The following DIAPH3 variants were observed in gnomAD, a reference collection of about 807,000 sequenced individuals.
DIAPH3 encodes protein diaphanous homolog 3.
In DIAPH3, 117 loss-of-function variants were observed where a neutral mutation model predicts 144.3. That is an observed-to-expected ratio of 0.81 (90% confidence interval 0.70 to 0.95). DIAPH3 has a LOEUF of 0.95. Among genes scored for constraint, DIAPH3 ranks in the 40% least tolerant of loss-of-function variants. The pLI is 0.00. For synonymous variants in DIAPH3, 519 were observed against 488.9 expected, an observed-to-expected ratio of 1.06 and a Z score of -0.81; for missense variants, 1,421 against 1,412.7, an observed-to-expected ratio of 1.01 and a Z score of -0.09.
At chr13:59,890,847 G>C (rs1434860576) in intron 20 of DIAPH3, among the ~76,000 whole-genome samples, 4 of 151,584 alleles carry the variant, frequency 2.6e-5, no homozygotes, top group Non-Finnish European at 1.5e-5. Context: ...TTTCACATTT[G>C]TATCAACAGA....
intron 1 of DIAPH3, among the ~76,000 whole-genome samples, chr13:60,160,100 T>C (rs1952220264): frequency 1.3e-5 from 2 of 152,088 alleles, no homozygotes. Flanking sequence ...GGTGGGCACC[T>C]GTAGTCCCAA....
chr13:59,797,433 G>C (rs1462222985), intron 25 of DIAPH3, among the ~76,000 whole-genome samples: 1 of 152,106 alleles, frequency 6.6e-6, no homozygotes, highest in African/African-American at 2.4e-5. Context: ...TGCTAATGAA[G>C]GAAGTATTTC....
chr13:59,700,585 G>A (rs2138746916), intron 27 of DIAPH3, among the ~76,000 whole-genome samples: 1 of 152,240 alleles, frequency 6.6e-6, no homozygotes, highest in East Asian at 1.9e-4. Flanking sequence ...GAATATTTAG[G>A]GTGAGGTAGT....
At chr13:60,007,792 T>A (rs1423989072) in intron 9 of DIAPH3, among the ~76,000 whole-genome samples, 1 of 152,236 alleles carries the variant, frequency 6.6e-6, no homozygotes, top group Non-Finnish European at 1.5e-5. Context: ...TAAATGTGTC[T>A]TTTTAGCAGT....
intron 1 of DIAPH3, 58 bp from the exon 2 acceptor site, chr13:60,133,047 T>C: frequency 8.0e-7 from 1 of 1,242,792 alleles, no homozygotes; most frequent in Non-Finnish European, 1.2e-6. Context: ...TTTATTTTAG[T>C]TAATAGGGTA....
chr13:59,875,076 C>T (rs972014734), intron 21 of DIAPH3, among the ~76,000 whole-genome samples: 1 of 152,148 alleles, frequency 6.6e-6, no homozygotes, highest in African/African-American at 2.4e-5. Context: ...TTGGCCCTAT[C>T]AACGTGTCTC....
intron 25 of DIAPH3, among the ~76,000 whole-genome samples, chr13:59,788,734 G>GT (rs1280136000): frequency 6.6e-6 from 1 of 152,114 alleles, no homozygotes; most frequent in Non-Finnish European, 1.5e-5. Flanking sequence ...CCAAAATATA[G>GT]TAAGTGAAAT....
At chr13:60,091,191 T>C (rs1212010577) in intron 4 of DIAPH3, among the ~76,000 whole-genome samples, 1 of 152,228 alleles carries the variant, frequency 6.6e-6, no homozygotes, top group Non-Finnish European at 1.5e-5. Context: ...AAACACTATC[T>C]ACACTCACCA....
intron 27 of DIAPH3, among the ~76,000 whole-genome samples, chr13:59,741,179 T>TG (rs1292014527): frequency 1.3e-5 from 2 of 152,062 alleles, no homozygotes; most frequent in Non-Finnish European, 2.9e-5. Context: ...GTATAAGGGC[T>TG]GGGGTAGTTA....
chr13:59,949,837 A>C (rs1370025233), intron 17 of DIAPH3, among the ~76,000 whole-genome samples: 1 of 152,172 alleles, frequency 6.6e-6, no homozygotes, highest in African/African-American at 2.4e-5. Context: ...GATTCACTCT[A>C]TAATCCTAAA....
At chr13:59,673,338 G>A (rs2032477937) in intron 27 of DIAPH3, among the ~76,000 whole-genome samples, 1 of 152,090 alleles carries the variant, frequency 6.6e-6, no homozygotes, top group Non-Finnish European at 1.5e-5. Flanking sequence ...ATTACCCAAA[G>A]CATCGAAATT....
intron 25 of DIAPH3, among the ~76,000 whole-genome samples, chr13:59,789,052 T>C (rs893472550): frequency 2.6e-5 from 4 of 152,190 alleles, no homozygotes; most frequent in African/African-American, 9.6e-5. Flanking sequence ...AAAAGAATGC[T>C]ACCACAGTCG....
chr13:60,148,553 T>A (rs918073590), intron 1 of DIAPH3, among the ~76,000 whole-genome samples: 1 of 152,122 alleles, frequency 6.6e-6, no homozygotes, highest in Non-Finnish European at 1.5e-5. Flanking sequence ...GAGTTCACAC[T>A]AGAAGCACGT....
intron 5 of DIAPH3, among the ~76,000 whole-genome samples, chr13:60,039,790 T>G (rs1304673501): frequency 6.6e-6 from 1 of 152,148 alleles, no homozygotes; most frequent in Non-Finnish European, 1.5e-5. Context: ...TTTAGTCACA[T>G]ACTGTATAAA....
chr13:60,103,430 T>C (rs2058328519), intron 3 of DIAPH3, among the ~76,000 whole-genome samples: 1 of 152,034 alleles, frequency 6.6e-6, no homozygotes, highest in African/African-American at 2.4e-5. Context: ...TAAGTGAATA[T>C]ATACAAGCAG....
At chr13:59,906,240 T>C (rs1018232334) in intron 20 of DIAPH3, among the ~76,000 whole-genome samples, 2 of 152,150 alleles carry the variant, frequency 1.3e-5, no homozygotes, top group Non-Finnish European at 2.9e-5. Context: ...GGCTATGAAA[T>C]AAAATGCACG....
intron 1 of DIAPH3, among the ~76,000 whole-genome samples, chr13:60,136,925 G>A (rs1248235781): frequency 7.1e-6 from 1 of 141,212 alleles, no homozygotes; most frequent in Middle Eastern, 3.6e-3. Context: ...GGGCGACAGA[G>A]CGAGACTCCG....
chr13:60,138,160 C>T (rs775880903), intron 1 of DIAPH3, among the ~76,000 whole-genome samples: 14 of 152,110 alleles, frequency 9.2e-5, no homozygotes, highest in Non-Finnish European at 1.3e-4. Context: ...GTTTGTTTGG[C>T]GTGCACAAGA....
chr13:59,873,288 C>T (rs546245560), intron 21 of DIAPH3, among the ~76,000 whole-genome samples: 1 of 152,218 alleles, frequency 6.6e-6, no homozygotes, highest in East Asian at 1.9e-4. Context: ...TCTCAAAATA[C>T]CCTGAATGCA....
Sources: allele counts gnomAD v4.1 joint callset (sites outside exome capture counted in the v4.1 genomes callset), GRCh38; gene constraint gnomAD v4.1.1; transcripts MANE v1.5; gene names NCBI Gene and HGNC (gene_info 2026-07-23, HGNC 2026-07-21).